The following SCYL2 variants were observed in gnomAD, a reference collection of about 807,000 sequenced individuals.
SCYL2 encodes the protein SCY1 like pseudokinase 2.
Under a neutral mutation model 100.4 loss-of-function variants are expected in SCYL2, and 36 were observed. That is an observed-to-expected ratio of 0.36 (90% CI 0.27 to 0.47). SCYL2 has a LOEUF of 0.47. SCYL2 is among the 20% of genes least tolerant of loss of function. SCYL2 has a pLI of 1.00. For synonymous variants in SCYL2, 330 were observed against 359.2 expected, an observed-to-expected ratio of 0.92 and a Z score of 0.92; for missense variants, 902 against 1,083.9, an observed-to-expected ratio of 0.83 and a Z score of 2.36.
chr12:100,335,132 A>G (rs1434340551), intron 14 of SCYL2, among the ~76,000 whole-genome samples: 14 of 152,092 alleles, frequency 9.2e-5, no homozygotes, highest in Admixed American at 9.2e-4. Context: ...AAAATGCATT[A>G]TAGGTAGAAA....
intron 1 of SCYL2, among the ~76,000 whole-genome samples, chr12:100,271,079 G>A (rs554118500): frequency 3.8e-4 from 57 of 151,938 alleles, no homozygotes; most frequent in Non-Finnish European, 5.4e-4. Flanking sequence ...TCTTTGTTCT[G>A]TATAAGATTA....
rs764572770 is a variant in SCYL2 at position 100,338,503 on chromosome 12, A to G, written c.2146-25A>G. ...AAAGTAATTTATATTTCTTAGAGAT[A>G]AAGTAATTCTCTCATATTTTTCAGA... On this transcript the variant is annotated intron_variant, in intron 17 of 17. Coordinates refer to ENST00000360820, the MANE Select transcript of SCYL2 (RefSeq NM_017988.6). The G allele has an allele frequency of 3.4e-6, 5 of 1,488,468 alleles. No individual in the cohort carries two copies. In the Admixed American group the frequency reaches 6.4e-5, roughly 19 times the overall value. The allele number at this position is 1,488,468 out of a possible 1,614,324, so 92.2% of individuals were successfully genotyped here. A position where few individuals can be genotyped will look rare whatever the true frequency, so the allele number is the denominator to read the frequency against.
intron 3 of SCYL2, 126 bp downstream of exon 3, chr12:100,291,786 T>G: frequency 1.2e-6 from 1 of 832,446 alleles, no homozygotes. Flanking sequence ...TGAGTTCTTA[T>G]GCATTAGTTT....
chr12:100,267,259 G>A lies in SCYL2; in HGVS notation c.-562G>A. On this transcript the variant is annotated 5_prime_UTR_variant, in exon 1 of 18. Coordinates refer to ENST00000360820, the MANE Select transcript of SCYL2 (RefSeq NM_017988.6). Reference sequence around the variant, plus strand: ...CCTTCTAGCTCCGACGTTTGCGGCCGCGGGGGCGGCGGAGGATATGGAGTA... The same window carrying A: ...CCTTCTAGCTCCGACGTTTGCGGCCACGGGGGCGGCGGAGGATATGGAGTA... 1 of 614,572 alleles carries A rather than the reference G, an allele frequency of 1.6e-6. No homozygotes were observed. The highest frequency in any genetic ancestry group is 2.7e-6 in the Non-Finnish European group (1 of 364,272). 38.1% of individuals were successfully genotyped at this position (614,572 alleles called of 1,614,324 possible).
intron 13 of SCYL2, 61 bp from the exon 14 acceptor site, chr12:100,334,105 A>G (rs1952245032): frequency 1.0e-6 from 1 of 958,876 alleles, no homozygotes; most frequent in Non-Finnish European, 1.7e-6. Context: ...AATTATCTTA[A>G]TTGATTACAT....
In SCYL2 at chr12:100,339,230, T is replaced by C; in HGVS notation, c.*58T>C. ...AGTTTCAATCATGGGTGAGCTGATT[T>C]ACATCTTTATATAGTTGGCTTGGAG... On this transcript the variant is annotated 3_prime_UTR_variant, in exon 18 of 18. Coordinates refer to ENST00000360820, the MANE Select transcript of SCYL2 (RefSeq NM_017988.6). 6.6e-7 allele frequency: 1 copy of C among 1,512,544 alleles called. No homozygotes were observed. The highest frequency in any genetic ancestry group is 9.0e-7 in the Non-Finnish European group (1 of 1,117,002). 93.7% of individuals were successfully genotyped at this position (1,512,544 alleles called of 1,614,324 possible).
At chr12:100,327,733 C>G (rs1242454078) in intron 12 of SCYL2, among the ~76,000 whole-genome samples, 2 of 152,040 alleles carry the variant, frequency 1.3e-5, no homozygotes, top group African/African-American at 4.8e-5. Context: ...CCAGGCTGGT[C>G]TTGAACTCCT....
intron 16 of SCYL2, among the ~76,000 whole-genome samples, chr12:100,336,674 GATAA>G (rs561865511): frequency 4.5e-4 from 69 of 152,124 alleles, no homozygotes; most frequent in African/African-American, 1.6e-3. Context: ...CTCATAAGTA[GATAA>G]AAAATCTGAG....
At chr12:100,318,879 T>C (rs2096352471) in intron 10 of SCYL2, among the ~76,000 whole-genome samples, 1 of 152,222 alleles carries the variant, frequency 6.6e-6, no homozygotes, top group Non-Finnish European at 1.5e-5. Context: ...GACTGTTAGT[T>C]TTGTAGTCTT....
At chr12:100,282,561 G>C (rs111717948) in intron 1 of SCYL2, among the ~76,000 whole-genome samples, 1 of 151,994 alleles carries the variant, frequency 6.6e-6, no homozygotes, top group Non-Finnish European at 1.5e-5. Context: ...CTGACCTCAG[G>C]TGATCCGCTT....
intron 10 of SCYL2, among the ~76,000 whole-genome samples, chr12:100,322,372 C>CAAAAAA (rs34959294): frequency 1.9e-4 from 12 of 61,758 alleles, no homozygotes; most frequent in African/African-American, 2.3e-4. Context: ...GACTCCGTCT[C>CAAAAAA]AAAAAAAAAA....
At chr12:100,289,518 C>A (rs779121428) in intron 2 of SCYL2, among the ~76,000 whole-genome samples, 4 of 152,128 alleles carry the variant, frequency 2.6e-5, no homozygotes, top group African/African-American at 7.2e-5. Flanking sequence ...CATATAAATA[C>A]GCAAATGCTA....
intron 1 of SCYL2, among the ~76,000 whole-genome samples, chr12:100,270,955 A>G (rs772396054): frequency 6.6e-6 from 1 of 151,434 alleles, no homozygotes; most frequent in Non-Finnish European, 1.5e-5. Flanking sequence ...TCAGTTTTTT[A>G]TGTTCGTTTT....
At chr12:100,273,837 A>G (rs1247326237) in intron 1 of SCYL2, among the ~76,000 whole-genome samples, 1 of 152,240 alleles carries the variant, frequency 6.6e-6, no homozygotes, top group Non-Finnish European at 1.5e-5. Context: ...TGAGTCTGCT[A>G]TTGGACGGAG....
intron 1 of SCYL2, among the ~76,000 whole-genome samples, chr12:100,277,870 T>C (rs1325411583): frequency 1.3e-5 from 2 of 152,120 alleles, no homozygotes; most frequent in Admixed American, 1.3e-4. Context: ...TATATCACTT[T>C]ATTATTTTGT....
intron 5 of SCYL2, among the ~76,000 whole-genome samples, chr12:100,312,111 A>G (rs1206390198): frequency 6.6e-6 from 1 of 152,108 alleles, no homozygotes; most frequent in East Asian, 1.9e-4. Flanking sequence ...ATTGCAAACA[A>G]CAGTCTCTAT....
Position 100,326,378 on chromosome 12 carries a change from G to A in SCYL2, c.1510-244G>A, listed in dbSNP as rs182576591. On this transcript the variant is annotated intron_variant, in intron 11 of 17. Transcript: ENST00000360820. ...AATCACTTTAAAATGCTACAAGATT[G>A]TAGTCATTCCTTGACTTTAGCTCAC... Among the ~76,000 whole-genome samples, 9 of 152,218 alleles carry A rather than the reference G, an allele frequency of 5.9e-5. No individual in the cohort carries two copies. In the East Asian group the frequency reaches 1.5e-3, roughly 26 times the overall value.
At chr12:100,292,795 C>T (rs2096312136) in intron 3 of SCYL2, among the ~76,000 whole-genome samples, 1 of 152,112 alleles carries the variant, frequency 6.6e-6, no homozygotes, top group South Asian at 2.1e-4. Flanking sequence ...CACCATGCTG[C>T]ATCTACCCAA....
chr12:100,338,022 A>C (rs1259079133), intron 17 of SCYL2, among the ~76,000 whole-genome samples: 1 of 152,178 alleles, frequency 6.6e-6, no homozygotes, highest in Admixed American at 6.5e-5. Context: ...TACTGGTTTC[A>C]GAGATAGCTT....
Sources: gnomAD v4.1 joint callset for allele counts (sites outside exome capture counted in the v4.1 genomes callset) on GRCh38, gnomAD v4.1.1 for gene constraint, MANE v1.5 for transcripts, NCBI Gene and HGNC (gene_info 2026-07-23, HGNC 2026-07-21) for gene names.